Variants in RBFOX1 observed in about 807,000 individuals in gnomAD.
RBFOX1 encodes RNA binding protein fox-1 homolog 1.
A neutral mutation model predicts 57.7 loss-of-function variants in RBFOX1; 8 were observed. The ratio of observed to expected loss-of-function variants is 0.14; its 90% confidence interval spans 0.08 to 0.25. The LOEUF (loss-of-function observed/expected upper bound fraction) is 0.25, where lower values mean the gene tolerates loss of function less well. Among genes scored for constraint, RBFOX1 ranks in the 10% least tolerant of loss-of-function variants. The pLI is 1.00. For missense variants in RBFOX1, 611 were observed against 548.5 expected (o/e 1.11, Z -1.14); for synonymous variants, 326 against 222.4 (o/e 1.47, Z -4.15).
intron 2 of RBFOX1, among the ~76,000 whole-genome samples, chr16:5,556,194 T>A (rs2045669412): frequency 6.6e-6 from 1 of 152,232 alleles, no homozygotes; most frequent in African/African-American, 2.4e-5. Context: ...TTACATACAT[T>A]CGGTCTGCAG....
chr16:6,860,397 T>C (rs1014071999), intron 3 of RBFOX1, among the ~76,000 whole-genome samples: 2 of 152,202 alleles, frequency 1.3e-5, no homozygotes, highest in Non-Finnish European at 2.9e-5. Flanking sequence ...TCTTCAAATC[T>C]GCAAGTCTTA....
At chr16:6,816,133 C>T (rs147463774) in intron 3 of RBFOX1, among the ~76,000 whole-genome samples, 47 of 152,138 alleles carry the variant, frequency 3.1e-4, no homozygotes, top group African/African-American at 1.1e-3. Context: ...CATGAGGAGA[C>T]CCCGTCTCTA....
chr16:7,023,300 A>C (rs1353645325), intron 3 of RBFOX1, among the ~76,000 whole-genome samples: 1 of 151,818 alleles, frequency 6.6e-6, no homozygotes, highest in African/African-American at 2.4e-5. Flanking sequence ...CTCTACTAAA[A>C]ATACAAAAAG....
chr16:5,882,517 T>C (rs1488405613), intron 4 of RBFOX1, among the ~76,000 whole-genome samples: 2 of 152,134 alleles, frequency 1.3e-5, no homozygotes, highest in East Asian at 3.9e-4. Context: ...AAACAAATTT[T>C]GATGAACTCA....
intron 3 of RBFOX1, among the ~76,000 whole-genome samples, chr16:6,714,713 G>T (rs182586993): frequency 6.6e-6 from 1 of 151,898 alleles, no homozygotes; most frequent in Non-Finnish European, 1.5e-5. Flanking sequence ...AGTGCCTCAC[G>T]TGGTGGCTTC....
At chr16:5,623,453 T>A (rs1248714536) in intron 3 of RBFOX1, among the ~76,000 whole-genome samples, 2 of 152,156 alleles carry the variant, frequency 1.3e-5, no homozygotes, top group African/African-American at 4.8e-5. Context: ...ACACTCATAA[T>A]CACCAAACAA....
At chr16:6,420,242 G>T in intron 2 of RBFOX1, among the ~76,000 whole-genome samples, 1 of 152,122 alleles carries the variant, frequency 6.6e-6, no homozygotes, top group East Asian at 1.9e-4. Context: ...AATTATAGAT[G>T]CAGTAATTTC....
intron 3 of RBFOX1, among the ~76,000 whole-genome samples, chr16:5,791,123 C>T (rs2054679432): frequency 2.0e-5 from 3 of 152,110 alleles, no homozygotes; most frequent in Non-Finnish European, 2.9e-5. Context: ...CTGCGTTGGT[C>T]TCCTAAAGTG....
chr16:7,104,891 G>A (rs2151437381), intron 4 of RBFOX1, among the ~76,000 whole-genome samples: 1 of 152,216 alleles, frequency 6.6e-6, no homozygotes, highest in African/African-American at 2.4e-5. Context: ...ATGGATCTCA[G>A]GTACAGCCCC....
At chr16:7,257,611 C>A (rs905443616) in intron 4 of RBFOX1, among the ~76,000 whole-genome samples, 1 of 152,180 alleles carries the variant, frequency 6.6e-6, no homozygotes, top group East Asian at 1.9e-4. Flanking sequence ...AGAGCCCCTT[C>A]CCGAGAACTG....
chr16:7,070,689 C>G (rs1399649508), intron 4 of RBFOX1, among the ~76,000 whole-genome samples: 1 of 152,188 alleles, frequency 6.6e-6, no homozygotes, highest in Non-Finnish European at 1.5e-5. Flanking sequence ...GGGAGCACAG[C>G]TTTAGTAATA....
chr16:5,770,819 C>T (rs2053952973), intron 3 of RBFOX1, among the ~76,000 whole-genome samples: 1 of 152,258 alleles, frequency 6.6e-6, no homozygotes, highest in African/African-American at 2.4e-5. Context: ...TTTTAGAACT[C>T]TATGCCAAGC....
At chr16:7,177,682 C>T (rs559330838) in intron 4 of RBFOX1, among the ~76,000 whole-genome samples, 3 of 152,100 alleles carry the variant, frequency 2.0e-5, no homozygotes, top group Non-Finnish European at 4.4e-5. Flanking sequence ...CCACAAAATT[C>T]TAGGACAGGG....
In RBFOX1 at chr16:6,925,350, C is replaced by G. The variant is rs375136793; in HGVS notation, c.-15-126707C>G. The stretch of plus-strand genomic sequence containing the variant: ...CTGTTGGCCAGGCTGGTCTTGAACT[C>G]CTGACCTCAGGCGATCTACCTGCCT... On this transcript the variant is annotated intron_variant, in intron 3 of 15. Transcript: ENST00000550418. Among the ~76,000 whole-genome samples, 44 of 151,708 alleles carry G rather than the reference C, an allele frequency of 2.9e-4. No homozygotes were observed. In the Middle Eastern group the frequency reaches 0.027, roughly 94 times the overall value.
chr16:7,081,547 T>A (rs11077133), intron 4 of RBFOX1, among the ~76,000 whole-genome samples: 1 of 151,950 alleles, frequency 6.6e-6, no homozygotes, highest in Non-Finnish European at 1.5e-5. Flanking sequence ...ATGAGAGTAG[T>A]GGGAGTTTTT....
intron 1 of RBFOX1, among the ~76,000 whole-genome samples, chr16:6,281,990 A>T (rs943972820): frequency 6.6e-6 from 1 of 152,170 alleles, no homozygotes; most frequent in African/African-American, 2.4e-5. Flanking sequence ...AGCGTTTGTT[A>T]TTGGGCAAAA....
chr16:6,247,043 C>G (rs1027385397), intron 1 of RBFOX1, among the ~76,000 whole-genome samples: 1 of 152,132 alleles, frequency 6.6e-6, no homozygotes, highest in African/African-American at 2.4e-5. Context: ...TTACTCCAGC[C>G]TGGGCAACAA....
chr16:7,390,375 A>G (rs1011090185), intron 4 of RBFOX1, among the ~76,000 whole-genome samples: 14 of 152,200 alleles, frequency 9.2e-5, no homozygotes, highest in African/African-American at 3.4e-4. Flanking sequence ...GAGACACCCA[A>G]ACTCATGTTC....
At chr16:6,107,177 C>T (rs2096391295) in intron 1 of RBFOX1, among the ~76,000 whole-genome samples, 1 of 152,008 alleles carries the variant, frequency 6.6e-6, no homozygotes, top group African/African-American at 2.4e-5. Context: ...ATGGGCCTTG[C>T]CATTGGTTTC....
Sources: gnomAD v4.1 joint callset for allele counts (sites outside exome capture counted in the v4.1 genomes callset) on GRCh38, gnomAD v4.1.1 for gene constraint, MANE v1.5 for transcripts, NCBI Gene and HGNC (gene_info 2026-07-23, HGNC 2026-07-21) for gene names.